ARID1B: variants seen among roughly 807,000 people sequenced by gnomAD.
The protein encoded by ARID1B is AT-rich interaction domain 1B.
ARID1B carries 30 observed loss-of-function variants against 212.3 expected under a neutral mutation model. The ratio of observed to expected loss-of-function variants is 0.14; its 90% CI spans 0.11 to 0.19. The LOEUF (loss-of-function observed/expected upper bound fraction) is 0.19. ARID1B is among the 10% of genes least tolerant of loss of function. ARID1B has a pLI of 1.00. For synonymous variants in ARID1B, 1,402 were observed against 1,301.7 expected (o/e 1.08, Z -1.66); for missense variants, 2,891 against 3,204.0 (o/e 0.90, Z 2.36).
chr6:156,810,459 G>A (rs1348141473), intron 1 of ARID1B, among the ~76,000 whole-genome samples: 5 of 152,196 alleles, frequency 3.3e-5, no homozygotes, highest in Admixed American at 6.5e-5. Context: ...CTCTCATTCT[G>A]TCTTCCTTGT....
At chr6:156,818,694 C>T (rs1196296767) in intron 1 of ARID1B, among the ~76,000 whole-genome samples, 7 of 152,138 alleles carry the variant, frequency 4.6e-5, no homozygotes, top group Non-Finnish European at 7.4e-5. Context: ...CTTTTAGGCT[C>T]TTTCCATTTT....
intron 5 of ARID1B, among the ~76,000 whole-genome samples, chr6:157,096,739 G>C (rs1785662594): frequency 6.6e-6 from 1 of 152,216 alleles, no homozygotes; most frequent in African/African-American, 2.4e-5. Flanking sequence ...GGACCTCCCA[G>C]TTCTAGCCTC....
intron 4 of ARID1B, among the ~76,000 whole-genome samples, chr6:157,059,779 C>G (rs1783223403): frequency 6.6e-6 from 1 of 152,132 alleles, no homozygotes; most frequent in African/African-American, 2.4e-5. Context: ...AGCAAGCTTT[C>G]CTGAATATGA....
At position 157,006,283 on chromosome 6, in the gene ARID1B, T is replaced by G. The variant is rs531094324; in HGVS notation, c.2247+70707T>G. Among the ~76,000 whole-genome samples the G allele has an allele frequency of 2.6e-5, 4 of 152,362 alleles. No homozygotes were observed. In the South Asian group the frequency reaches 8.3e-4, roughly 32 times the overall value. On this transcript the variant is annotated intron_variant, in intron 4 of 19. Coordinates refer to ENST00000636930, the MANE Select transcript of ARID1B (RefSeq NM_001374828.1). ...CTTCAGTGTATTGCAAGCCATTTTA[T>G]GGAAATACTGGTGATAAGAGTAACC...
At chr6:156,814,685 A>G (rs568342620) in intron 1 of ARID1B, among the ~76,000 whole-genome samples, 305 of 152,246 alleles carry the variant, frequency 2.0e-3, no homozygotes, top group Non-Finnish European at 3.3e-3. Flanking sequence ...CCTGTGTAGA[A>G]TTGGGCATCT....
At chr6:156,898,258 A>G (rs1452558075) in intron 2 of ARID1B, among the ~76,000 whole-genome samples, 1 of 152,172 alleles carries the variant, frequency 6.6e-6, no homozygotes, top group Non-Finnish European at 1.5e-5. Flanking sequence ...AACGACTTAA[A>G]AACTCTCAGC....
At chr6:156,782,401 A>G (rs1487650650) in intron 1 of ARID1B, among the ~76,000 whole-genome samples, 1 of 152,120 alleles carries the variant, frequency 6.6e-6, no homozygotes, top group Admixed American at 6.5e-5. Flanking sequence ...TTGACGATTC[A>G]GTTTATTACT....
chr6:157,014,497 G>C (rs1238658045), intron 4 of ARID1B, among the ~76,000 whole-genome samples: 1 of 152,208 alleles, frequency 6.6e-6, no homozygotes, highest in Admixed American at 6.5e-5. Context: ...TTATTGGTAA[G>C]TAGGGTCCTG....
rs749315126 is a variant in ARID1B at position 156,778,918 on chromosome 6, G to C, written c.1238G>C (p.Gly413Ala). The change falls in exon 1 of 20, where the codon GGA becomes GCA. Residue 413 changes from glycine (G) to alanine (A), a missense_variant. Gly to Ala is a moderately conservative substitution (Grantham distance 60, BLOSUM62 0). Around this residue, in one of 7 missense-constraint regions of ARID1B, gnomAD observed 1,643 missense variants for 1,544.0 expected, o/e 1.06. Coordinates refer to ENST00000636930, the MANE Select transcript of ARID1B (RefSeq NM_001374828.1). ...SGGGGGGGGA[G>A]AGGAGAGAVA... ...GGAGGAGGAGGAGGAGGAGGAGCAG[G>C]AGCAGGAGGAGCAGGAGCGGGAGCT... The C allele has an allele frequency of 4.0e-5, 53 of 1,317,138 alleles. No homozygotes were observed. Among genetic ancestry groups the C allele is most frequent in the Non-Finnish European group, 5.0e-5 (52 of 1,040,678 alleles). 81.6% of individuals were successfully genotyped at this position (1,317,138 alleles called of 1,614,324 possible). A position where few individuals can be genotyped will look rare whatever the true frequency, so the allele number is the denominator to read the frequency against.
At chr6:156,855,385 G>A (rs962844463) in intron 2 of ARID1B, among the ~76,000 whole-genome samples, 1 of 152,140 alleles carries the variant, frequency 6.6e-6, no homozygotes, top group African/African-American at 2.4e-5. Context: ...ACAGGGTTCC[G>A]GTGTGTCTGA....
At chr6:156,883,652 C>T (rs958671086) in intron 2 of ARID1B, among the ~76,000 whole-genome samples, 6 of 152,174 alleles carry the variant, frequency 3.9e-5, no homozygotes, top group African/African-American at 1.4e-4. Context: ...CGATCCTCAC[C>T]TCGGGACTGT....
chr6:156,999,014 A>G (rs1778764508), intron 4 of ARID1B, among the ~76,000 whole-genome samples: 1 of 152,162 alleles, frequency 6.6e-6, no homozygotes, highest in Admixed American at 6.5e-5. Context: ...GGAAGTTTAT[A>G]TGTTTCTCTC....
chr6:157,092,887 C>T (rs1233580329), intron 5 of ARID1B, among the ~76,000 whole-genome samples: 5 of 152,190 alleles, frequency 3.3e-5, no homozygotes, highest in Admixed American at 2.0e-4. Flanking sequence ...TAATGGTCCA[C>T]TCCCACTTCT....
chr6:156,958,423 ACC>A (rs2128317450), intron 4 of ARID1B, among the ~76,000 whole-genome samples: 1 of 152,332 alleles, frequency 6.6e-6, no homozygotes, highest in Admixed American at 6.5e-5. Flanking sequence ...CAGTCTATAA[ACC>A]TAATTCGTTT....
At chr6:156,888,940 T>C (rs1448717667) in intron 2 of ARID1B, among the ~76,000 whole-genome samples, 2 of 152,232 alleles carry the variant, frequency 1.3e-5, no homozygotes, top group Non-Finnish European at 2.9e-5. Context: ...AATGCAAATA[T>C]TGATACCCTA....
At chr6:157,170,618 CTG>C (rs1791652590) in intron 9 of ARID1B, among the ~76,000 whole-genome samples, 1 of 152,208 alleles carries the variant, frequency 6.6e-6, no homozygotes, top group African/African-American at 2.4e-5. Flanking sequence ...GCTCCAGACT[CTG>C]TAGGTGGCTG....
intron 1 of ARID1B, among the ~76,000 whole-genome samples, chr6:156,794,303 G>A (rs1780203151): frequency 6.6e-6 from 1 of 151,738 alleles, no homozygotes; most frequent in South Asian, 2.1e-4. Flanking sequence ...AGCCTAGAGT[G>A]CTGTGGCATG....
At chr6:156,924,496 G>T (rs1238328056) in intron 3 of ARID1B, among the ~76,000 whole-genome samples, 1 of 152,232 alleles carries the variant, frequency 6.6e-6, no homozygotes, top group Non-Finnish European at 1.5e-5. Flanking sequence ...ACTGGATCTG[G>T]TAACAGCTCC....
At chr6:157,116,161 G>A (rs1482281818) in intron 6 of ARID1B, among the ~76,000 whole-genome samples, 1 of 152,182 alleles carries the variant, frequency 6.6e-6, no homozygotes, top group Non-Finnish European at 1.5e-5. Flanking sequence ...AGTCATCTGA[G>A]TAGATAAATA....
Sources: gnomAD v4.1 joint callset for allele counts (sites outside exome capture counted in the v4.1 genomes callset) on GRCh38, gnomAD v4.1.1 for gene constraint, gnomAD v4.1.1 regional missense constraint, MANE v1.5 for transcripts, NCBI Gene and HGNC (gene_info 2026-07-23, HGNC 2026-07-21) for gene names.